Variants in PRMT8 observed in about 807,000 individuals in gnomAD.
PRMT8 encodes protein arginine methyltransferase 8.
PRMT8 carries 7 observed loss-of-function variants against 47.1 expected under a neutral mutation model. The ratio of observed to expected loss-of-function variants is 0.15; its 90% CI spans 0.08 to 0.28. PRMT8 has a LOEUF of 0.28. PRMT8 is among the 10% of genes least tolerant of loss of function. The probability of loss-of-function intolerance (pLI) is 1.00; values close to 1 mark genes in which losing one functional copy is unlikely to be tolerated. For missense variants in PRMT8, 237 were observed against 505.4 expected (o/e 0.47, Z 5.09); for synonymous variants, 188 against 186.5 (o/e 1.01, Z -0.07).
At chr12:3,416,735 A>G (rs994616056) in intron 1 of PRMT8, among the ~76,000 whole-genome samples, 1 of 152,210 alleles carries the variant, frequency 6.6e-6, no homozygotes, top group African/African-American at 2.4e-5. Flanking sequence ...GAGAGCAGAT[A>G]TTAGAAGGAG....
In PRMT8 at chr12:3,593,484, CCTT is replaced by C. The variant is rs1867357798; in HGVS notation, c.*303_*305del. On this transcript the variant is annotated 3_prime_UTR_variant, in exon 10 of 10. Coordinates refer to ENST00000382622, the MANE Select transcript of PRMT8 (RefSeq NM_019854.5). The surrounding 1 kb of genome is among the most constrained non-coding windows in gnomAD (Gnocchi z 4.8). ...ACGTATTCGCGTCTCCCCGTCTCCT[CCTT>C]AACTGTGACTCTCCGGGTCTTCTGA... 7.8e-6 allele frequency: 3 copies of C among 384,888 alleles called. No homozygotes were observed. The highest frequency in any genetic ancestry group is 7.5e-4 in the Middle Eastern group (1 of 1,330). 23.8% of individuals were successfully genotyped at this position (384,888 alleles called of 1,614,324 possible).
intron 1 of PRMT8, among the ~76,000 whole-genome samples, chr12:3,467,341 A>T (rs1865111058): frequency 6.6e-6 from 1 of 151,950 alleles, no homozygotes; most frequent in Admixed American, 6.6e-5. Flanking sequence ...GGCCTGGGGA[A>T]AAGCCACTTC....
rs1234503603 is a variant in PRMT8, at chr12:3,583,737, C to G, written c.979+529C>G. Among the ~76,000 whole-genome samples the G allele has an allele frequency of 1.3e-5, 2 of 152,234 alleles. No homozygotes were observed. The highest frequency in any genetic ancestry group is 2.9e-5 in the Non-Finnish European group (2 of 68,040). ...TGCTACTCCCACTCCCAAATCCCAG[C>G]CCCGCTTACGAGGTGCCTCGCTGCC... On this transcript the variant is annotated intron_variant, in intron 8 of 9. Transcript: ENST00000382622. The surrounding 1 kb of genome is among the most constrained non-coding windows in gnomAD (Gnocchi z 4.7).
intron 4 of PRMT8, among the ~76,000 whole-genome samples, chr12:3,559,831 A>G (rs1169440236): frequency 6.6e-6 from 1 of 152,166 alleles, no homozygotes; most frequent in African/African-American, 2.4e-5. Context: ...CCGTTGTGGC[A>G]TCCGCACCCC....
Position 3,421,417 on chromosome 12 carries a change from C to T in PRMT8, c.48+39975C>T, listed in dbSNP as rs189703039. ...TGCTCTCCAGCCATCACCATCCTGC[C>T]GGGGGGTGGGGTGGTGGATCCAGGG... On this transcript the variant is annotated intron_variant, in intron 1 of 9. Transcript: ENST00000452611. 2.1e-4 allele frequency among the ~76,000 whole-genome samples: 32 copies of T among 152,230 alleles called. No individual in the cohort carries two copies. In the East Asian group the frequency reaches 6.0e-3, roughly 28 times the overall value.
chr12:3,456,965 C>T lies in PRMT8; in HGVS notation c.48+75523C>T, dbSNP rs917659250. 2.0e-5 allele frequency among the ~76,000 whole-genome samples: 3 copies of T among 152,202 alleles called. No individual in the cohort carries two copies. The highest frequency in any genetic ancestry group is 7.2e-5 in the African/African-American group (3 of 41,452). On this transcript the variant is annotated intron_variant, in intron 1 of 9. Coordinates refer to the PRMT8 transcript ENST00000452611. This position sits in a 1 kb window ranked among gnomAD's most constrained non-coding sequence, Gnocchi z 4.2. The stretch of plus-strand genomic sequence containing the variant: ...GGGTGGGGGCTCTGGCCTCGCTGAC[C>T]TCGCCTGCCATGGCAACTGTAAGGC...
chr12:3,593,249 A>G lies in PRMT8; in HGVS notation c.*67A>G. ...TCACCTCGATCTGCCGTGCCGTCCC[A>G]AAGAATACCGTTTGCAGGACTACAC... On this transcript the variant is annotated 3_prime_UTR_variant, in exon 10 of 10. Coordinates refer to ENST00000382622, the MANE Select transcript of PRMT8 (RefSeq NM_019854.5). This position sits in a 1 kb window ranked among gnomAD's most constrained non-coding sequence, Gnocchi z 4.8. The G allele has an allele frequency of 2.2e-6, 3 of 1,350,988 alleles. No individual in the cohort carries two copies. The highest frequency in any genetic ancestry group is 1.2e-5 in the South Asian group (1 of 81,644). 83.7% of individuals were successfully genotyped at this position (1,350,988 alleles called of 1,614,324 possible). A position where few individuals can be genotyped will look rare whatever the true frequency, so the allele number is the denominator to read the frequency against.
chr12:3,406,382 C>T (rs1864372822), intron 1 of PRMT8, among the ~76,000 whole-genome samples: 1 of 152,260 alleles, frequency 6.6e-6, no homozygotes, highest in South Asian at 2.1e-4. Flanking sequence ...TAACATTTGG[C>T]TCCTCGTTAC....
chr12:3,425,739 C>T (rs973462589), intron 1 of PRMT8, among the ~76,000 whole-genome samples: 2 of 152,236 alleles, frequency 1.3e-5, no homozygotes, highest in Non-Finnish European at 2.9e-5. Flanking sequence ...GCTTCTCTCG[C>T]TTTACAGTGT....
At chr12:3,568,023 G>A (rs1455649363) in intron 4 of PRMT8, among the ~76,000 whole-genome samples, 1 of 148,626 alleles carries the variant, frequency 6.7e-6, no homozygotes, top group Non-Finnish European at 1.5e-5. Context: ...GGTGAGCAGA[G>A]ATCACGCCAC....
chr12:3,540,613 G>GCCCCCCCCGCC lies in PRMT8; in HGVS notation c.90_91insCGCCCCCCCCC (p.Ser31ArgfsTer39). On this transcript the variant is annotated frameshift_variant, in exon 2 of 10. Transcript: ENST00000382622. LOFTEE classifies it high-confidence loss of function. ...CCCTTCTCTTCCCCTCAGGTGAACA[G>GCCCCCCCCGCC]CCCCCCCTCCCAGCCCCCCCAGCCC... The GCCCCCCCCGCC allele has an allele frequency of 3.5e-6, 4 of 1,130,522 alleles. No individual in the cohort carries two copies. Among genetic ancestry groups the GCCCCCCCCGCC allele is most frequent in the Non-Finnish European group, 4.0e-6 (3 of 752,492 alleles). 70.0% of individuals were successfully genotyped at this position (1,130,522 alleles called of 1,614,324 possible).
chr12:3,400,688 C>G (rs1003470258), intron 1 of PRMT8, among the ~76,000 whole-genome samples: 1 of 152,138 alleles, frequency 6.6e-6, no homozygotes, highest in Non-Finnish European at 1.5e-5. Flanking sequence ...ATACCAAAAC[C>G]TGGAAGAGAT....
Position 3,495,390 on chromosome 12 carries a change from G to A in PRMT8, c.75+3690G>A, listed in dbSNP as rs117622364. ...CATGCAATTCTTGGAAAAGACCTCC[G>A]ACTGCATATGTGAATGCTTCTGTGC... On this transcript the variant is annotated intron_variant, in intron 1 of 9. Coordinates refer to ENST00000382622, the MANE Select transcript of PRMT8 (RefSeq NM_019854.5). Among the ~76,000 whole-genome samples, 708 of 152,204 alleles carry A rather than the reference G, an allele frequency of 4.7e-3. 1 individual carries two copies. The highest frequency in any genetic ancestry group is 7.5e-3 in the Non-Finnish European group (511 of 68,032).
chr12:3,590,963 T>A (rs1867287521), intron 8 of PRMT8, among the ~76,000 whole-genome samples: 1 of 151,942 alleles, frequency 6.6e-6, no homozygotes, highest in Non-Finnish European at 1.5e-5. Context: ...GCATTTATCT[T>A]GTGTGACAGG....
At chr12:3,553,613 T>A in intron 3 of PRMT8, 38 bp from the exon 4 acceptor site, 14 of 1,534,128 alleles carry the variant, frequency 9.1e-6, no homozygotes, top group Non-Finnish European at 1.3e-5. Context: ...CTGTGATTTT[T>A]TTTGACGCCT....
At chr12:3,575,256 C>T (rs185060478) in intron 6 of PRMT8, among the ~76,000 whole-genome samples, 27 of 152,334 alleles carry the variant, frequency 1.8e-4, no homozygotes, top group East Asian at 1.3e-3. Context: ...CACCTCCTGC[C>T]GCACACACCC....
At chr12:3,464,419 G>A (rs541469638) in intron 1 of PRMT8, among the ~76,000 whole-genome samples, 2 of 152,140 alleles carry the variant, frequency 1.3e-5, no homozygotes, top group South Asian at 4.2e-4. Context: ...TATAATTTGA[G>A]CTTCATGTTT....
In PRMT8 at chr12:3,570,754, G is replaced by T. The variant is rs1866830620; in HGVS notation, c.712+1190G>T. Among the ~76,000 whole-genome samples the T allele has an allele frequency of 6.6e-6, 1 of 152,206 alleles. No homozygotes were observed. Among genetic ancestry groups the T allele is most frequent in the African/African-American group, 2.4e-5 (1 of 41,452 alleles). On this transcript the variant is annotated intron_variant, in intron 6 of 9. Transcript: ENST00000382622. This position sits in a 1 kb window ranked among gnomAD's most constrained non-coding sequence, Gnocchi z 5.5. ...ATAAACTCAAAGTGTGAAGTTCAGA[G>T]CCAGGTTCAGAAGAAGACAAAAGTG...
intron 7 of PRMT8, among the ~76,000 whole-genome samples, chr12:3,577,399 C>T (rs1017546033): frequency 6.6e-6 from 1 of 152,200 alleles, no homozygotes; most frequent in Non-Finnish European, 1.5e-5. Flanking sequence ...ATGCTCTTGC[C>T]TCCACACACA....
Sources: gnomAD v4.1 joint callset for allele counts (sites outside exome capture counted in the v4.1 genomes callset) on GRCh38, gnomAD v4.1.1 for gene constraint, Gnocchi (gnomAD v3.1) non-coding constraint, MANE v1.5 for transcripts, NCBI Gene and HGNC (gene_info 2026-07-23, HGNC 2026-07-21) for gene names.